The following IGF1R variants were observed in gnomAD, a reference collection of about 807,000 sequenced individuals.
The protein encoded by IGF1R is insulin like growth factor 1 receptor.
In IGF1R, 44 loss-of-function variants were observed where a neutral mutation model predicts 144.6. The observed-to-expected ratio is 0.30, with a 90% CI of 0.24 to 0.39. The LOEUF (loss-of-function observed/expected upper bound fraction) is 0.39, where lower values mean the gene tolerates loss of function less well. IGF1R is among the 10% of genes least tolerant of loss of function. The pLI is 1.00. For synonymous variants in IGF1R, 795 were observed against 722.8 expected (o/e 1.10, Z -1.60); for missense variants, 1,355 against 1,833.7 (o/e 0.74, Z 4.77).
At position 98,801,879 on chromosome 15, in the gene IGF1R, T is replaced by G. The variant is rs148209149; in HGVS notation, c.641-89446T>G. 6.6e-5 allele frequency among the ~76,000 whole-genome samples: 10 copies of G among 152,200 alleles called. No homozygotes were observed. The South Asian group carries it at 1.7e-3, about 25-fold the overall frequency. On this transcript the variant is annotated intron_variant, in intron 2 of 20. Coordinates refer to ENST00000650285, the MANE Select transcript of IGF1R (RefSeq NM_000875.5). Reference sequence around the variant, plus strand: ...GGGACTCTGAAACACTGCAAGCCAATGGACTGAGCATCTTACTTTTGCTGT... The same window carrying G: ...GGGACTCTGAAACACTGCAAGCCAAGGGACTGAGCATCTTACTTTTGCTGT...
rs2151738781 is a variant in IGF1R at position 98,957,391 on chromosome 15, G to A, written c.4053G>A (p.Gly1351=). 6.2e-7 allele frequency: 1 copy of A among 1,613,340 alleles called. No individual in the cohort carries two copies. Among genetic ancestry groups the A allele is most frequent in the South Asian group, 1.1e-5 (1 of 91,084 alleles). The change falls in exon 21 of 21, where the codon GGG becomes GGA. Residue 1351 remains glycine, a synonymous_variant. Transcript: ENST00000650285. ...GACAGCCTTACGCCCACATGAACGGGGGCCGCAAGAACGAGCGGGCCTTGC... is the reference window on the plus strand; with the variant it reads ...GACAGCCTTACGCCCACATGAACGGAGGCCGCAAGAACGAGCGGGCCTTGC... ...DERQPYAHMN[G]GRKNERALPL...
At chr15:98,877,696 G>A (rs2013133590) in intron 2 of IGF1R, among the ~76,000 whole-genome samples, 2 of 152,136 alleles carry the variant, frequency 1.3e-5, no homozygotes, top group African/African-American at 4.8e-5. Flanking sequence ...CAGCACCTGT[G>A]AAGAGGCTTC....
In IGF1R at chr15:98,649,391, C is replaced by T. The variant is rs1011262207; in HGVS notation, c.-191C>T. 3 of 329,334 alleles carry T rather than the reference C, an allele frequency of 9.1e-6. No homozygotes were observed. Among genetic ancestry groups the T allele is most frequent in the African/African-American group, 2.2e-5 (1 of 46,176 alleles). The allele number at this position is 329,334 out of a possible 1,614,324, so 20.4% of individuals were successfully genotyped here. Reference sequence around the variant, plus strand: ...CTGAGGGGCCGCCCCGCGCCGCCCGCCCCGTCCGCGCACCCGGAGGGCCCC... The same window carrying T: ...CTGAGGGGCCGCCCCGCGCCGCCCGTCCCGTCCGCGCACCCGGAGGGCCCC... On this transcript the variant is annotated 5_prime_UTR_variant, in exon 1 of 21. Transcript: ENST00000650285.
intron 2 of IGF1R, among the ~76,000 whole-genome samples, chr15:98,768,418 C>T (rs1202353155): frequency 1.3e-5 from 2 of 151,386 alleles, no homozygotes; most frequent in Admixed American, 6.6e-5. Flanking sequence ...AGATCGAGAC[C>T]ATCCTGGCCA....
rs367598391 is a variant in IGF1R, at chr15:98,937,570, G to A, written c.3298-1631G>A. 1.4e-4 allele frequency among the ~76,000 whole-genome samples: 21 copies of A among 152,278 alleles called. 1 individual carries two copies. Among genetic ancestry groups the A allele is most frequent in the African/African-American group, 5.1e-4 (21 of 41,556 alleles). On this transcript the variant is annotated intron_variant, in intron 17 of 20. Transcript: ENST00000650285. The stretch of plus-strand genomic sequence containing the variant: ...TTAAAATGTGTGCACTTACCCTGCA[G>A]TTTCATTATATTCAACCTGCTCCCC...
chr15:98,711,013 G>C (rs554574120), intron 2 of IGF1R, among the ~76,000 whole-genome samples: 17 of 152,056 alleles, frequency 1.1e-4, no homozygotes, highest in African/African-American at 3.4e-4. Context: ...TAAAATTACA[G>C]ATGTGGCTTG....
rs1291998935 is a variant in IGF1R, at chr15:98,960,927, CTCCG to C, written c.*3488_*3491del. ...CACGCCCCCCCCGCCAGGGCTGTACCTCCGTCTCCCTGGTCCTGCTGCTCACAGG... is the reference window on the plus strand; with the variant it reads ...CACGCCCCCCCCGCCAGGGCTGTACCTCTCCCTGGTCCTGCTGCTCACAGG... On this transcript the variant is annotated 3_prime_UTR_variant, in exon 21 of 21. Coordinates refer to ENST00000650285, the MANE Select transcript of IGF1R (RefSeq NM_000875.5). 1 of 233,914 alleles carries C rather than the reference CTCCG, an allele frequency of 4.3e-6. No homozygotes were observed. Among genetic ancestry groups the C allele is most frequent in the African/African-American group, 2.2e-5 (1 of 45,366 alleles). The allele number at this position is 233,914 out of a possible 1,614,324, so 14.5% of individuals were successfully genotyped here.
In IGF1R at chr15:98,836,363, G is replaced by A. The variant is rs368183086; in HGVS notation, c.641-54962G>A. ...GTGAGACTATCTCTACAAAAAAAAA[G>A]AAATTAAGTAGCCAGCAGTGGTGGC... On this transcript the variant is annotated intron_variant, in intron 2 of 20. Transcript: ENST00000650285. Among the ~76,000 whole-genome samples, 579 of 151,800 alleles carry A rather than the reference G, an allele frequency of 3.8e-3. 2 individuals carry two copies. Among genetic ancestry groups the A allele is most frequent in the African/African-American group, 0.013 (553 of 41,390 alleles).
chr15:98,744,767 T>G (rs1354743803), intron 2 of IGF1R, among the ~76,000 whole-genome samples: 8 of 152,110 alleles, frequency 5.3e-5, no homozygotes, highest in Non-Finnish European at 1.0e-4. Flanking sequence ...GCTCTGTTTT[T>G]TTTTTTTCTT....
intron 5 of IGF1R, among the ~76,000 whole-genome samples, chr15:98,904,049 ATTTTTT>A (rs35759630): frequency 9.6e-6 from 1 of 103,792 alleles, no homozygotes; most frequent in Non-Finnish European, 1.9e-5. Flanking sequence ...TGATGGGTGA[ATTTTTT>A]TTTTTTTTTT....
Position 98,823,234 on chromosome 15 carries a change from A to C in IGF1R, c.641-68091A>C, listed in dbSNP as rs186579684. On this transcript the variant is annotated intron_variant, in intron 2 of 20. Transcript: ENST00000650285. Reference sequence around the variant, plus strand: ...TCTTTCTGTTTGAAAGTGACTTGGCAGGGTGAAGTTGAGAACCCCTTGGAA... The same window carrying C: ...TCTTTCTGTTTGAAAGTGACTTGGCCGGGTGAAGTTGAGAACCCCTTGGAA... Among the ~76,000 whole-genome samples the C allele has an allele frequency of 9.6e-4, 146 of 152,358 alleles. 1 individual carries two copies. Among genetic ancestry groups the C allele is most frequent in the African/African-American group, 3.1e-3 (130 of 41,576 alleles).
At chr15:98,855,417 A>G (rs982447537) in intron 2 of IGF1R, among the ~76,000 whole-genome samples, 5 of 152,222 alleles carry the variant, frequency 3.3e-5, no homozygotes, top group African/African-American at 1.2e-4. Flanking sequence ...CCTTGCAGGT[A>G]CTTAGGAAGT....
At chr15:98,727,742 C>T (rs1039571302) in intron 2 of IGF1R, among the ~76,000 whole-genome samples, 4 of 152,146 alleles carry the variant, frequency 2.6e-5, no homozygotes, top group African/African-American at 7.2e-5. Context: ...GCTTGTCCTC[C>T]GGGTGGGTCC....
intron 2 of IGF1R, among the ~76,000 whole-genome samples, chr15:98,773,963 G>A (rs866797952): frequency 2.0e-5 from 3 of 152,128 alleles, no homozygotes; most frequent in Middle Eastern, 6.8e-3. Context: ...CCCTATTTTT[G>A]TATTTTTTCC....
At position 98,786,797 on chromosome 15, in the gene IGF1R, G is replaced by C. The variant is rs926308966; in HGVS notation, c.640+78690G>C. 2.6e-5 allele frequency among the ~76,000 whole-genome samples: 4 copies of C among 152,304 alleles called. No individual in the cohort carries two copies. In the East Asian group the frequency reaches 7.7e-4, roughly 29 times the overall value. On this transcript the variant is annotated intron_variant, in intron 2 of 20. Transcript: ENST00000650285. The stretch of plus-strand genomic sequence containing the variant: ...GTCTGGTCACAAGATGATCAGGCAG[G>C]TGCCTGCATGACTGTAGGACAGAGA...
chr15:98,799,420 AG>A (rs1337167538), intron 2 of IGF1R, among the ~76,000 whole-genome samples: 1 of 151,466 alleles, frequency 6.6e-6, no homozygotes, highest in South Asian at 2.1e-4. Flanking sequence ...AGCCTCTAGG[AG>A]GTGTGGGTAA....
intron 1 of IGF1R, among the ~76,000 whole-genome samples, chr15:98,699,476 A>G (rs1259957988): frequency 6.6e-6 from 1 of 152,224 alleles, no homozygotes; most frequent in African/African-American, 2.4e-5. Flanking sequence ...ATATTTTAAG[A>G]TGAGAAAGGC....
At chr15:98,833,032 G>T (rs1009047329) in intron 2 of IGF1R, among the ~76,000 whole-genome samples, 1 of 152,188 alleles carries the variant, frequency 6.6e-6, no homozygotes, top group Non-Finnish European at 1.5e-5. Context: ...CTAGGAAAAA[G>T]TGGTGAGGAC....
Position 98,957,648 on chromosome 15 carries a change from T to G in IGF1R, c.*206T>G. On this transcript the variant is annotated 3_prime_UTR_variant, in exon 21 of 21. Coordinates refer to ENST00000650285, the MANE Select transcript of IGF1R (RefSeq NM_000875.5). ...TTTTCAATATGCAAGCAGCTTTTTATTCCCTGCCCAAACCCTTAACTGACA... is the reference window on the plus strand; with the variant it reads ...TTTTCAATATGCAAGCAGCTTTTTAGTCCCTGCCCAAACCCTTAACTGACA... 1.6e-6 allele frequency: 1 copy of G among 632,686 alleles called. No homozygotes were observed. Among genetic ancestry groups the G allele is most frequent in the East Asian group, 2.8e-5 (1 of 36,164 alleles). 39.2% of individuals were successfully genotyped at this position (632,686 alleles called of 1,614,324 possible). A position where few individuals can be genotyped will look rare whatever the true frequency, so the allele number is the denominator to read the frequency against.
Sources: allele counts gnomAD v4.1 joint callset (sites outside exome capture counted in the v4.1 genomes callset), GRCh38; gene constraint gnomAD v4.1.1; transcripts MANE v1.5; gene names NCBI Gene and HGNC (gene_info 2026-07-23, HGNC 2026-07-21).